DNMBP: variants seen among roughly 807,000 people sequenced by gnomAD.
DNMBP encodes the protein dynamin-binding protein.
Under a neutral mutation model 150.0 loss-of-function variants are expected in DNMBP, and 87 were observed. The observed-to-expected ratio is 0.58, with a 90% confidence interval of 0.49 to 0.69. The LOEUF (loss-of-function observed/expected upper bound fraction) is 0.69. Ranked by LOEUF, DNMBP falls within the 30% of genes least tolerant of loss-of-function variation. DNMBP has a pLI of 0.00. For synonymous variants in DNMBP, 711 were observed against 750.4 expected (o/e 0.95, Z 0.86); for missense variants, 1,774 against 1,949.0 (o/e 0.91, Z 1.69).
chr10:99,962,544 C>T (rs1391946075), intron 3 of DNMBP, among the ~76,000 whole-genome samples: 54 of 152,064 alleles, frequency 3.6e-4, no homozygotes, highest in South Asian at 2.1e-4. Flanking sequence ...GGCAGGAGAA[C>T]GGTGTGAACC....
intron 1 of DNMBP, among the ~76,000 whole-genome samples, chr10:99,996,629 G>C (rs924571903): frequency 6.6e-6 from 1 of 152,100 alleles, no homozygotes; most frequent in Non-Finnish European, 1.5e-5. Flanking sequence ...AATAATAAAA[G>C]TATTAAGTAG....
chr10:99,967,698 T>G (rs1194519819), intron 3 of DNMBP, among the ~76,000 whole-genome samples: 1 of 150,972 alleles, frequency 6.6e-6, no homozygotes, highest in Admixed American at 6.6e-5. Flanking sequence ...TGTGTGTGTG[T>G]GGGTATGTGT....
intron 4 of DNMBP, among the ~76,000 whole-genome samples, chr10:99,953,009 A>G (rs1040630768): frequency 1.3e-5 from 2 of 152,146 alleles, no homozygotes; most frequent in Non-Finnish European, 2.9e-5. Context: ...AGTGACATGT[A>G]TTCACGTTCT....
At chr10:99,921,124 G>A (rs980844858) in intron 4 of DNMBP, among the ~76,000 whole-genome samples, 133 of 152,258 alleles carry the variant, frequency 8.7e-4, no homozygotes, top group African/African-American at 3.1e-3. Context: ...CGAGCCCAGA[G>A]AACTGGGCAC....
intron 13 of DNMBP, 36 bp downstream of exon 13, chr10:99,886,264 T>C (rs549441591): frequency 4.5e-6 from 7 of 1,549,486 alleles, no homozygotes; most frequent in African/African-American, 1.4e-5. Flanking sequence ...GCAAAGGCTA[T>C]AGATGACCAT....
rs1384884995 is a variant in DNMBP, at chr10:99,955,972, T to C, written c.1502A>G (p.Asn501Ser). 1 of 1,614,096 alleles carries C rather than the reference T, an allele frequency of 6.2e-7. No homozygotes were observed. The highest frequency in any genetic ancestry group is 2.2e-5 in the East Asian group (1 of 44,872). Reference protein sequence around the residue: ...KPRQSSPQLHNLASYTKKHHT... With the variant: ...KPRQSSPQLHSLASYTKKHHT... Reference sequence around the variant, plus strand: ...GTGCTTTTTAGTATAACTTGCTAGGTTGTGGAGCTGAGGACTTGATTGTCT... The same window carrying C: ...GTGCTTTTTAGTATAACTTGCTAGGCTGTGGAGCTGAGGACTTGATTGTCT... Residue 501 changes from asparagine to serine, a missense_variant, in exon 4 of 17, where the codon AAC becomes AGC. Transcript: ENST00000324109.
At chr10:99,918,833 C>G (rs945684258) in intron 4 of DNMBP, among the ~76,000 whole-genome samples, 2 of 152,170 alleles carry the variant, frequency 1.3e-5, no homozygotes, top group African/African-American at 4.8e-5. Flanking sequence ...AACACCATTT[C>G]TGAACACTCA....
At chr10:99,892,223 G>C (rs61872214) in intron 11 of DNMBP, among the ~76,000 whole-genome samples, 2 of 149,434 alleles carry the variant, frequency 1.3e-5, no homozygotes, top group African/African-American at 2.5e-5. Context: ...GGTGAGGGGC[G>C]CCTCTGCCCG....
intron 14 of DNMBP, among the ~76,000 whole-genome samples, chr10:99,885,219 C>T (rs553703009): frequency 2.0e-5 from 3 of 151,818 alleles, no homozygotes; most frequent in Admixed American, 1.3e-4. Context: ...CCCTCCCCCC[C>T]ACAAAAAAAG....
rs528557406 is a variant in DNMBP, at chr10:99,973,786, G to A, written c.-10-1652C>T. ...CCTGAGGTGAGGAGTTTTGAGGCCA[G>A]CCTGGGCAACATGGTGAAACCCCGT... is the stretch of plus-strand genomic sequence containing the variant. On this transcript the variant is annotated intron_variant, in intron 1 of 16. Coordinates refer to ENST00000324109, the MANE Select transcript of DNMBP (RefSeq NM_015221.4). 2.0e-5 allele frequency among the ~76,000 whole-genome samples: 3 copies of A among 152,346 alleles called. No individual in the cohort carries two copies. The East Asian group carries it at 5.8e-4, about 29-fold the overall frequency.
At position 99,956,105 on chromosome 10, in the gene DNMBP, C is replaced by A; in HGVS notation, c.1369G>T (p.Ala457Ser). 1 of 1,614,152 alleles carries A rather than the reference C, an allele frequency of 6.2e-7. No homozygotes were observed. Among genetic ancestry groups the A allele is most frequent in the Non-Finnish European group, 8.5e-7 (1 of 1,180,032 alleles). ...TACATTCTTTTGGGAGGTAGGCTGG[C>A]ATAGTCTCTAGTCCTTGCTTCTAGG... Reference protein sequence around the residue: ...LPLEARTRDYASLPPKRMYSQ... With the variant: ...LPLEARTRDYSSLPPKRMYSQ... The change falls in exon 4 of 17, where the codon GCC becomes TCC. Residue 457 changes from alanine to serine, a missense_variant. Coordinates refer to ENST00000324109, the MANE Select transcript of DNMBP (RefSeq NM_015221.4).
intron 4 of DNMBP, chr10:99,930,587 C>T (rs2040142087): frequency 1.4e-6 from 1 of 702,856 alleles, no homozygotes; most frequent in East Asian, 2.7e-5. Flanking sequence ...TTCTGTAGGG[C>T]TGATGCTGTC....
intron 1 of DNMBP, among the ~76,000 whole-genome samples, chr10:99,989,320 T>C (rs1311579054): frequency 6.6e-6 from 1 of 152,230 alleles, no homozygotes; most frequent in Non-Finnish European, 1.5e-5. Flanking sequence ...TTTTATGGTT[T>C]GGCCTGTCCT....
chr10:99,963,874 T>A (rs1292490039), intron 3 of DNMBP, among the ~76,000 whole-genome samples: 1 of 151,878 alleles, frequency 6.6e-6, no homozygotes, highest in East Asian at 1.9e-4. Context: ...TTTATTCAGG[T>A]TTCCATACGA....
intron 4 of DNMBP, among the ~76,000 whole-genome samples, chr10:99,943,298 C>CAA (rs796198897): frequency 8.0e-5 from 11 of 138,032 alleles, no homozygotes; most frequent in African/African-American, 2.9e-4. Flanking sequence ...AAAAAACCAA[C>CAA]AAAAAAAAAA....
chr10:99,982,729 G>T (rs2040791845), intron 1 of DNMBP, among the ~76,000 whole-genome samples: 1 of 152,174 alleles, frequency 6.6e-6, no homozygotes, highest in African/African-American at 2.4e-5. Context: ...AAGACAGGCA[G>T]ATCCCTTGGG....
chr10:99,980,092 T>C (rs1309833530), intron 1 of DNMBP, among the ~76,000 whole-genome samples: 1 of 152,210 alleles, frequency 6.6e-6, no homozygotes, highest in African/African-American at 2.4e-5. Flanking sequence ...GGACTGGACA[T>C]GTAAAAGTTA....
At chr10:99,986,800 C>A (rs892576917) in intron 1 of DNMBP, among the ~76,000 whole-genome samples, 7 of 152,018 alleles carry the variant, frequency 4.6e-5, no homozygotes, top group African/African-American at 1.7e-4. Flanking sequence ...CAGTCTATGA[C>A]TCTTGAGGTA....
At chr10:99,908,207 TTCAC>T in intron 5 of DNMBP, 113 bp from the exon 6 acceptor site, 1 of 707,334 alleles carries the variant, frequency 1.4e-6, no homozygotes. Context: ...GGTCACTTTC[TTCAC>T]TCACTTTCAT....
Sources: allele counts gnomAD v4.1 joint callset (sites outside exome capture counted in the v4.1 genomes callset), GRCh38; gene constraint gnomAD v4.1.1; transcripts MANE v1.5; gene names NCBI Gene and HGNC (gene_info 2026-07-23, HGNC 2026-07-21).